The following FRMPD4 variants were observed in gnomAD, a reference collection of about 807,000 sequenced individuals.
The protein encoded by FRMPD4 is FERM and PDZ domain containing 4, also known as FERM and PDZ domain-containing protein 4.
A neutral mutation model predicts 94.1 loss-of-function variants in FRMPD4; 22 were observed. The observed-to-expected ratio is 0.23, with a 90% CI of 0.17 to 0.33. FRMPD4 has a LOEUF of 0.33. Among genes scored for constraint, FRMPD4 ranks in the 10% least tolerant of loss-of-function variants. FRMPD4 has a pLI of 1.00. For missense variants in FRMPD4, 1,111 were observed against 1,339.9 expected, an observed-to-expected ratio of 0.83 and a Z score of 2.67; for synonymous variants, 631 against 548.6, an observed-to-expected ratio of 1.15 and a Z score of -2.10.
At chrX:12,167,263 G>C (rs970491085) in intron 1 of FRMPD4, among the ~76,000 whole-genome samples, 1 of 111,517 alleles carries the variant, frequency 9.0e-6, no homozygotes, top group Non-Finnish European at 1.9e-5. Flanking sequence ...TCTTTGTTCT[G>C]GTTGGTTTCA....
At chrX:12,302,556 T>C (rs902680713) in intron 1 of FRMPD4, among the ~76,000 whole-genome samples, 5 of 111,154 alleles carry the variant, frequency 4.5e-5, no homozygotes, top group Admixed American at 1.9e-4. Flanking sequence ...CTCACTTGGA[T>C]GGGGTCATGA....
chrX:12,063,288 G>A (rs1482080183), intron 3 of FRMPD4, among the ~76,000 whole-genome samples: 1 of 111,430 alleles, frequency 9.0e-6, no homozygotes, highest in Non-Finnish European at 1.9e-5. Context: ...AAGATCACTT[G>A]GACCTGGGAG....
At position 12,720,762 on chromosome X, in the gene FRMPD4, A is replaced by C; in HGVS notation, c.4193A>C (p.Gln1398Pro). Residue 1398 changes from glutamine to proline, a missense_variant, in exon 17 of 17, where the codon CAG becomes CCG. Around this residue, in one of 8 missense-constraint regions of FRMPD4, gnomAD observed 551 missense variants for 591.6 expected, o/e 0.93. Coordinates refer to ENST00000675598, the MANE Select transcript of FRMPD4 (RefSeq NM_001368397.1). ...RGGSLRTPPS[Q>P]KALRHSSSIL... ...GGGAGCCTCAGGACACCTCCCAGCC[A>C]GAAGGCTCTGAGACATAGCAGCAGT... is the stretch of plus-strand genomic sequence containing the variant. 9.5e-7 allele frequency: 1 copy of C among 1,055,177 alleles called. No homozygotes were observed. Among genetic ancestry groups the C allele is most frequent in the Non-Finnish European group, 1.2e-6 (1 of 822,674 alleles). 87.0% of individuals were successfully genotyped at this position (1,055,177 alleles called of 1,213,427 possible). A position where few individuals can be genotyped will look rare whatever the true frequency, so the allele number is the denominator to read the frequency against.
intron 3 of FRMPD4, among the ~76,000 whole-genome samples, chrX:12,086,536 A>G (rs1453231107): frequency 8.9e-6 from 1 of 111,735 alleles, no homozygotes; most frequent in Non-Finnish European, 1.9e-5. Context: ...AATTCTCTTT[A>G]AGACTCTGGA....
At position 12,382,380 on chromosome X, in the gene FRMPD4, A is replaced by G. The variant is rs181590988; in HGVS notation, c.42-116300A>G. On this transcript the variant is annotated intron_variant, in intron 1 of 16. Coordinates refer to ENST00000675598, the MANE Select transcript of FRMPD4 (RefSeq NM_001368397.1). ...TGGGAAGCAGAGAGGGCTCAGAGGAAATGCTGTGAGTGCCCACTGTGGATT... is the reference window on the plus strand; with the variant it reads ...TGGGAAGCAGAGAGGGCTCAGAGGAGATGCTGTGAGTGCCCACTGTGGATT... 1.0e-3 allele frequency among the ~76,000 whole-genome samples: 114 copies of G among 110,866 alleles called. 1 individual carries two copies. The highest frequency in any genetic ancestry group is 1.7e-3 in the Non-Finnish European group (89 of 52,861).
chrX:11,837,092 T>C (rs1376518838), intron 1 of FRMPD4, among the ~76,000 whole-genome samples: 1 of 112,060 alleles, frequency 8.9e-6, no homozygotes, highest in Non-Finnish European at 1.9e-5. Flanking sequence ...CCAAAATATC[T>C]AAATTTAATC....
rs1395535738 is a variant in FRMPD4, at chrX:12,694,271, G to A, written c.814-64G>A. 1.5e-5 allele frequency: 15 copies of A among 1,011,605 alleles called. No individual in the cohort carries two copies. In the East Asian group the frequency reaches 4.6e-4, roughly 31 times the overall value. The allele number at this position is 1,011,605 out of a possible 1,213,427, so 83.4% of individuals were successfully genotyped here. A position where few individuals can be genotyped will look rare whatever the true frequency, so the allele number is the denominator to read the frequency against. On this transcript the variant is annotated intron_variant, in intron 8 of 16. Transcript: ENST00000675598. ...TGTCCAAAAAAAGTCGACTGCTTCA[G>A]TGTCCCTCAGCCATTTCTCAGTCAG... is the stretch of plus-strand genomic sequence containing the variant.
intron 3 of FRMPD4, among the ~76,000 whole-genome samples, chrX:11,998,565 G>A (rs886957025): frequency 1.8e-5 from 2 of 111,224 alleles, no homozygotes; most frequent in African/African-American, 6.5e-5. Context: ...GGCTACCATC[G>A]CATTAAACTT....
chrX:11,976,046 G>A (rs2054365268), intron 3 of FRMPD4, among the ~76,000 whole-genome samples: 1 of 111,741 alleles, frequency 8.9e-6, no homozygotes, highest in Admixed American at 9.5e-5. Context: ...TCAGTGTTGT[G>A]GCAGGTACAT....
intron 2 of FRMPD4, among the ~76,000 whole-genome samples, chrX:12,554,939 G>A (rs938104135): frequency 3.6e-5 from 4 of 111,316 alleles, no homozygotes; most frequent in African/African-American, 1.3e-4. Flanking sequence ...GTAGGAGGCA[G>A]TTAAGAATGT....
intron 5 of FRMPD4, among the ~76,000 whole-genome samples, chrX:12,677,644 A>G (rs2147092408): frequency 8.9e-6 from 1 of 111,921 alleles, no homozygotes; most frequent in South Asian, 3.7e-4. Context: ...TTCTTTTGCA[A>G]CTTGCTGGAC....
At chrX:12,374,307 G>A (rs1022691507) in intron 1 of FRMPD4, among the ~76,000 whole-genome samples, 10 of 112,013 alleles carry the variant, frequency 8.9e-5, no homozygotes, top group Non-Finnish European at 1.9e-4. Context: ...AGACTAGAGA[G>A]AAAGAGACTT....
At chrX:12,336,823 T>C (rs2055532609) in intron 1 of FRMPD4, among the ~76,000 whole-genome samples, 1 of 111,986 alleles carries the variant, frequency 8.9e-6, no homozygotes. Context: ...GCTGCAAGGA[T>C]AGGAAAAGGG....
intron 1 of FRMPD4, among the ~76,000 whole-genome samples, chrX:12,185,699 A>G (rs1316317371): frequency 8.9e-6 from 1 of 111,895 alleles, no homozygotes; most frequent in East Asian, 2.8e-4. Context: ...TTGGCCTCAC[A>G]TAAGTAACAA....
Position 12,609,832 on chromosome X carries a change from T to C in FRMPD4, c.270T>C (p.Gly90=). Residue 90 remains glycine, a synonymous_variant, in exon 3 of 17, where the codon GGT becomes GGC. Transcript: ENST00000675598. ...EMRRDPVLGF[G]FVAGSEKPVV... ...GAAGGGACCCCGTGCTGGGATTTGGTTTTGTGGCAGGCAGTGAAAAGCCAG... is the reference window on the plus strand; with the variant it reads ...GAAGGGACCCCGTGCTGGGATTTGGCTTTGTGGCAGGCAGTGAAAAGCCAG... The C allele has an allele frequency of 8.3e-7, 1 of 1,210,996 alleles. No homozygotes were observed. The highest frequency in any genetic ancestry group is 1.1e-6 in the Non-Finnish European group (1 of 895,034).
At position 12,701,880 on chromosome X, in the gene FRMPD4, A is replaced by C. The variant is rs1388061036; in HGVS notation, c.940A>C (p.Asn314His). The part of the protein sequence containing the change: ...AFEYLYVQSC[N>H]DVVQERFGPE... Reference sequence around the variant, plus strand: ...CCTGCTGGTCTCTTCGCAGAGTTGTAACGATGTGGTTCAGGAGCGATTTGG... The same window carrying C: ...CCTGCTGGTCTCTTCGCAGAGTTGTCACGATGTGGTTCAGGAGCGATTTGG... The change falls in exon 10 of 17, where the codon AAC (asparagine) becomes CAC (histidine). Residue 314 changes from asparagine to histidine, a missense_variant. Asn to His is a moderately conservative substitution (Grantham distance 68). Transcript: ENST00000675598. 2 of 1,211,625 alleles carry C rather than the reference A, an allele frequency of 1.7e-6. No individual in the cohort carries two copies. Among genetic ancestry groups the C allele is most frequent in the Non-Finnish European group, 2.2e-6 (2 of 895,033 alleles).
intron 3 of FRMPD4, among the ~76,000 whole-genome samples, chrX:12,078,697 C>T (rs1208834243): frequency 8.9e-6 from 1 of 112,023 alleles, no homozygotes; most frequent in Non-Finnish European, 1.9e-5. Flanking sequence ...ATTTCTCAAC[C>T]TCAACATTAT....
chrX:12,181,996 A>G (rs1421896847), intron 1 of FRMPD4, among the ~76,000 whole-genome samples: 1 of 111,728 alleles, frequency 9.0e-6, no homozygotes, highest in African/African-American at 3.3e-5. Context: ...TTTCTGATAG[A>G]CTTTTCTCAC....
At chrX:12,303,060 G>A (rs2054884912) in intron 1 of FRMPD4, among the ~76,000 whole-genome samples, 1 of 111,562 alleles carries the variant, frequency 9.0e-6, no homozygotes, top group Non-Finnish European at 1.9e-5. Flanking sequence ...GGGAAGGGGA[G>A]AGGTTACAGG....
Sources: allele counts gnomAD v4.1 joint callset (sites outside exome capture counted in the v4.1 genomes callset), GRCh38; gene constraint gnomAD v4.1.1; regional missense constraint gnomAD v4.1.1; transcripts MANE v1.5; gene names NCBI Gene and HGNC (gene_info 2026-07-23, HGNC 2026-07-21).